The following FAM234B variants were observed in gnomAD, a reference collection of about 807,000 sequenced individuals.
FAM234B encodes protein FAM234B.
A neutral mutation model predicts 69.3 loss-of-function variants in FAM234B; 33 were observed. The observed-to-expected ratio is 0.48, with a 90% confidence interval of 0.36 to 0.64. FAM234B has a LOEUF of 0.64. Ranked by LOEUF, FAM234B falls within the 30% of genes least tolerant of loss-of-function variation. The pLI is 0.00. For missense variants in FAM234B, 697 were observed against 769.7 expected (o/e 0.91, Z 1.12); for synonymous variants, 306 against 306.9 (o/e 1.00, Z 0.03).
intron 10 of FAM234B, among the ~76,000 whole-genome samples, chr12:13,073,869 T>C (rs1449113208): frequency 2.0e-5 from 3 of 152,220 alleles, no homozygotes; most frequent in African/African-American, 7.2e-5. Flanking sequence ...GGTCTGCCAT[T>C]GTGGGTTTAA....
At chr12:13,066,556 GA>G in intron 5 of FAM234B, 83 bp from the exon 6 acceptor site, 1 of 1,415,886 alleles carries the variant, frequency 7.1e-7, no homozygotes, top group Admixed American at 2.4e-5. Context: ...GGCTTATGAG[GA>G]GGCAGTGACT....
In FAM234B at chr12:13,079,902, C is replaced by A; in HGVS notation, c.1756C>A (p.Leu586Ile). 2 of 1,614,120 alleles carry A rather than the reference C, an allele frequency of 1.2e-6. No individual in the cohort carries two copies. Among genetic ancestry groups the A allele is most frequent in the Non-Finnish European group, 1.7e-6 (2 of 1,180,004 alleles). ...CAGCAAGCTTAGTCTACGGTGGGCACTAATGGAGGGCCAGATGGCTCAGCT... is the reference window on the plus strand; with the variant it reads ...CAGCAAGCTTAGTCTACGGTGGGCAATAATGGAGGGCCAGATGGCTCAGCT... The part of the protein sequence containing the change: ...VVSKLSLRWA[L>I]MEGQMAQLQE... The change falls in exon 12 of 13, where the codon CTA (leucine) becomes ATA (isoleucine). Residue 586 changes from leucine to isoleucine, a missense_variant. By Grantham distance (5) the Leu-to-Ile change is conservative. This residue lies in a region of FAM234B where 313 missense variants were observed against 305.5 expected (regional missense o/e 1.02). Transcript: ENST00000197268.
chr12:13,048,784 A>G (rs776740139), intron 1 of FAM234B, among the ~76,000 whole-genome samples: 7 of 152,236 alleles, frequency 4.6e-5, no homozygotes, highest in Non-Finnish European at 8.8e-5. Context: ...CAATTTATAA[A>G]AGAAAGAGGT....
At position 13,067,205 on chromosome 12, in the gene FAM234B, C is replaced by A. The variant is rs764469409; in HGVS notation, c.1051C>A (p.Arg351=). 4 of 1,613,904 alleles carry A rather than the reference C, an allele frequency of 2.5e-6. No individual in the cohort carries two copies. Among genetic ancestry groups the A allele is most frequent in the South Asian group, 1.1e-5 (1 of 91,082 alleles). Residue 351 remains arginine (R), a synonymous_variant, in exon 7 of 13, where the codon CGA becomes AGA. Coordinates refer to ENST00000197268, the MANE Select transcript of FAM234B (RefSeq NM_020853.2). This position sits in a 1 kb window ranked among gnomAD's most constrained non-coding sequence, Gnocchi z 4.7. ...LRDIFVQAQN[R]DSSPPSLQIE... ...GGACATTTTTGTTCAGGCCCAAAAT[C>A]GAGACAGCTCACCACCTTCTCTGCA...
Position 13,080,700 on chromosome 12 carries a change from A to G in FAM234B, c.*70A>G, listed in dbSNP as rs1865216185. ...CCCTCTCTACTCTCCTGTCACTGTA[A>G]AATCAGTTCTATGGAGAGAAGACTT... is the stretch of plus-strand genomic sequence containing the variant. On this transcript the variant is annotated 3_prime_UTR_variant, in exon 13 of 13. Coordinates refer to ENST00000197268, the MANE Select transcript of FAM234B (RefSeq NM_020853.2). The G allele has an allele frequency of 1.5e-6, 2 of 1,326,958 alleles. No individual in the cohort carries two copies. Among genetic ancestry groups the G allele is most frequent in the African/African-American group, 2.9e-5 (2 of 68,746 alleles). 82.2% of individuals were successfully genotyped at this position (1,326,958 alleles called of 1,614,324 possible).
In FAM234B at chr12:13,076,158, C is replaced by A. The variant is rs933135385; in HGVS notation, c.1642+15C>A. 6.4e-7 allele frequency: 1 copy of A among 1,562,918 alleles called. No individual in the cohort carries two copies. The highest frequency in any genetic ancestry group is 8.8e-7 in the Non-Finnish European group (1 of 1,133,350). ...GGCTTCAGAGGGTGAGTCCCAGTGC[C>A]AGCGGGAGTCTGTGTACGCAGATGG... On this transcript the variant is annotated intron_variant, in intron 11 of 12. Transcript: ENST00000197268.
At chr12:13,052,485 C>T (rs1486324) in intron 1 of FAM234B, among the ~76,000 whole-genome samples, 149,793 of 152,226 alleles carry the variant, frequency 0.98, 73,743 homozygotes, top group South Asian at 1. Flanking sequence ...TAAAATTTAC[C>T]ATCTTAACTA....
rs148409725 is a variant in FAM234B, at chr12:13,061,729, A to C, written c.687A>C (p.Thr229=). 1.2e-6 allele frequency: 2 copies of C among 1,614,108 alleles called. No homozygotes were observed. Among genetic ancestry groups the C allele is most frequent in the Non-Finnish European group, 1.7e-6 (2 of 1,180,002 alleles). ...LAETICLVTG[T]HKMLSAFNAT... Reference sequence around the variant, plus strand: ...AAACCATCTGCCTTGTGACAGGGACACACAAGATGCTCAGCGCATTCAATG... The same window carrying C: ...AAACCATCTGCCTTGTGACAGGGACCCACAAGATGCTCAGCGCATTCAATG... Residue 229 remains threonine (T), a synonymous_variant, in exon 4 of 13, where the codon ACA becomes ACC. Coordinates refer to ENST00000197268, the MANE Select transcript of FAM234B (RefSeq NM_020853.2).
rs4763924 is a variant in FAM234B, at chr12:13,055,618, C to T, written c.105C>T (p.Asp35=). Residue 35 remains aspartate, a synonymous_variant, in exon 2 of 13, where the codon GAC becomes GAT. Transcript: ENST00000197268. ...AGGCTGACAGTGATGAGAGCGAAGA[C>T]GATCTGGTGCTTAACCTGCAGAAGA... ...LTQADSDESE[D]DLVLNLQKNG... 0.18 allele frequency: 289,937 copies of T among 1,613,744 alleles called. 32,431 individuals carry two copies. Among genetic ancestry groups the T allele is most frequent in the East Asian group, 0.49 (22,093 of 44,864 alleles).
At chr12:13,075,448 T>TTA (rs1555121815) in intron 10 of FAM234B, among the ~76,000 whole-genome samples, 19 of 149,544 alleles carry the variant, frequency 1.3e-4, no homozygotes, top group African/African-American at 4.2e-4. Context: ...TTTTTTTTTT[T>TTA]ATTTTTTGAG....
At chr12:13,073,296 A>G (rs1171136001) in intron 10 of FAM234B, among the ~76,000 whole-genome samples, 1 of 152,014 alleles carries the variant, frequency 6.6e-6, no homozygotes, top group Non-Finnish European at 1.5e-5. Flanking sequence ...CACCCAGCCA[A>G]TGTTATCATT....
Position 13,067,165 on chromosome 12 carries a change from A to G in FAM234B, c.1011A>G (p.Gln337=). The change falls in exon 7 of 13, where the codon CAA becomes CAG. Residue 337 remains glutamine (Q), a synonymous_variant. Transcript: ENST00000197268. This position sits in a 1 kb window ranked among gnomAD's most constrained non-coding sequence, Gnocchi z 4.7. ...CTTCTGTGGTGCTAGGAAATATACA[A>G]GCTGTCGCACTGCGGGACATTTTTG... The part of the protein sequence containing the change: ...VYILFGFGNI[Q]AVALRDIFVQ... The G allele has an allele frequency of 1.2e-6, 2 of 1,613,984 alleles. No individual in the cohort carries two copies. Among genetic ancestry groups the G allele is most frequent in the Non-Finnish European group, 1.7e-6 (2 of 1,179,898 alleles).
intron 11 of FAM234B, 62 bp from the exon 12 acceptor site, chr12:13,079,727 C>T (rs1398903999): frequency 4.0e-6 from 4 of 1,006,394 alleles, no homozygotes; most frequent in Non-Finnish European, 6.2e-6. Context: ...GAACCAAACC[C>T]CTCTCCTGTT....
intron 10 of FAM234B, among the ~76,000 whole-genome samples, chr12:13,071,608 C>T (rs1479553594): frequency 6.6e-6 from 1 of 152,108 alleles, no homozygotes; most frequent in Non-Finnish European, 1.5e-5. Flanking sequence ...TGACAACAGC[C>T]CCTAACTGCT....
chr12:13,079,894 G>A lies in FAM234B; in HGVS notation c.1748G>A (p.Arg583Gln), dbSNP rs750275625. Residue 583 changes from arginine (R) to glutamine (Q), a missense_variant, in exon 12 of 13, where the codon CGG becomes CAG. Physicochemically the swap from Arg to Gln is conservative, Grantham distance 43. This residue lies in a region of FAM234B where 313 missense variants were observed against 305.5 expected (regional missense o/e 1.02). Transcript: ENST00000197268. Reference sequence around the variant, plus strand: ...CTGGTGGTCAGCAAGCTTAGTCTACGGTGGGCACTAATGGAGGGCCAGATG... The same window carrying A: ...CTGGTGGTCAGCAAGCTTAGTCTACAGTGGGCACTAATGGAGGGCCAGATG... ...AALVVSKLSL[R>Q]WALMEGQMAQ... 1.2e-5 allele frequency: 19 copies of A among 1,613,944 alleles called. No homozygotes were observed. Among genetic ancestry groups the A allele is most frequent in the East Asian group, 8.9e-5 (4 of 44,890 alleles).
At chr12:13,051,283 A>G (rs1864873540) in intron 1 of FAM234B, among the ~76,000 whole-genome samples, 1 of 152,226 alleles carries the variant, frequency 6.6e-6, no homozygotes, top group Non-Finnish European at 1.5e-5. Context: ...AGCATGATAA[A>G]AATGAATTTC....
At chr12:13,073,298 G>A (rs1031027865) in intron 10 of FAM234B, among the ~76,000 whole-genome samples, 1 of 151,968 alleles carries the variant, frequency 6.6e-6, no homozygotes, top group African/African-American at 2.4e-5. Flanking sequence ...CCCAGCCAAT[G>A]TTATCATTCT....
At chr12:13,066,192 T>C (rs1455232431) in intron 5 of FAM234B, among the ~76,000 whole-genome samples, 1 of 152,194 alleles carries the variant, frequency 6.6e-6, no homozygotes, top group Non-Finnish European at 1.5e-5. Flanking sequence ...GTTCTCTCTT[T>C]GAGAATAAAG....
chr12:13,063,783 T>C (rs1865008784), intron 5 of FAM234B, among the ~76,000 whole-genome samples: 1 of 152,224 alleles, frequency 6.6e-6, no homozygotes, highest in African/African-American at 2.4e-5. Context: ...TCTCTAAGAC[T>C]TTTTCTCAGA....
Sources: gnomAD v4.1 joint callset for allele counts (sites outside exome capture counted in the v4.1 genomes callset) on GRCh38, gnomAD v4.1.1 for gene constraint, gnomAD v4.1.1 regional missense constraint, Gnocchi (gnomAD v3.1) non-coding constraint, MANE v1.5 for transcripts, NCBI Gene and HGNC (gene_info 2026-07-23, HGNC 2026-07-21) for gene names.